Variants in PTPRK observed in about 807,000 individuals in gnomAD.
The protein encoded by PTPRK is protein tyrosine phosphatase receptor type K.
A neutral mutation model predicts 178.0 loss-of-function variants in PTPRK; 75 were observed. The observed-to-expected ratio is 0.42, with a 90% CI of 0.35 to 0.51. The LOEUF is 0.51. Ranked by LOEUF, PTPRK falls within the 20% of genes least tolerant of loss-of-function variation. The probability of loss-of-function intolerance (pLI) is 0.02; values close to 1 mark genes in which losing one functional copy is unlikely to be tolerated. For missense variants in PTPRK, 1,441 were observed against 1,797.8 expected, an observed-to-expected ratio of 0.80 and a Z score of 3.59; for synonymous variants, 637 against 620.6, an observed-to-expected ratio of 1.03 and a Z score of -0.39.
At chr6:128,230,161 C>T (rs1054240835) in intron 5 of PTPRK, among the ~76,000 whole-genome samples, 1 of 152,094 alleles carries the variant, frequency 6.6e-6, no homozygotes, top group African/African-American at 2.4e-5. Flanking sequence ...TGCCAAGTTG[C>T]AGGAAATGGA....
chr6:128,402,503 T>C (rs971454285), intron 1 of PTPRK, among the ~76,000 whole-genome samples: 28 of 152,168 alleles, frequency 1.8e-4, no homozygotes, highest in African/African-American at 6.8e-4. Context: ...CCACCCGTCT[T>C]GGCCTCCCAG....
At chr6:128,295,192 T>G (rs1356825257) in intron 3 of PTPRK, among the ~76,000 whole-genome samples, 1 of 152,114 alleles carries the variant, frequency 6.6e-6, no homozygotes. Context: ...AACTTTAAAA[T>G]AATTTTAACA....
intron 1 of PTPRK, among the ~76,000 whole-genome samples, chr6:128,454,732 C>G (rs1848192237): frequency 7.8e-6 from 1 of 128,792 alleles, no homozygotes; most frequent in African/African-American, 2.9e-5. Flanking sequence ...TAGATCCATA[C>G]TTCCACCTGG....
At chr6:128,001,463 T>C (rs1048587248) in intron 15 of PTPRK, among the ~76,000 whole-genome samples, 1 of 152,046 alleles carries the variant, frequency 6.6e-6, no homozygotes, top group African/African-American at 2.4e-5. Flanking sequence ...AATGCCAATA[T>C]ATTTTTAAAA....
At chr6:128,414,110 C>T in intron 1 of PTPRK, among the ~76,000 whole-genome samples, 1 of 152,264 alleles carries the variant, frequency 6.6e-6, no homozygotes, top group East Asian at 1.9e-4. Flanking sequence ...CTCTAAGGCA[C>T]AATCCTATTC....
chr6:128,362,250 A>C (rs1834877706), intron 2 of PTPRK, among the ~76,000 whole-genome samples: 1 of 152,116 alleles, frequency 6.6e-6, no homozygotes, highest in Non-Finnish European at 1.5e-5. Flanking sequence ...GGGAGGAAGG[A>C]GGAAAGTGCT....
chr6:128,516,050 G>A (rs993489900), intron 1 of PTPRK, among the ~76,000 whole-genome samples: 1 of 152,144 alleles, frequency 6.6e-6, no homozygotes, highest in Non-Finnish European at 1.5e-5. Context: ...GTTGGCATTA[G>A]CTTTGGTTAG....
chr6:128,057,501 C>T (rs1359095565), intron 13 of PTPRK, among the ~76,000 whole-genome samples: 1 of 152,176 alleles, frequency 6.6e-6, no homozygotes, highest in African/African-American at 2.4e-5. Flanking sequence ...GTCCATGTGA[C>T]CAGTTCCCAC....
intron 8 of PTPRK, chr6:128,085,082 G>C (rs763538100): frequency 5.3e-5 from 8 of 152,132 alleles, no homozygotes; most frequent in Non-Finnish European, 1.2e-4. Context: ...TCTACAAGGA[G>C]ACTATGAATG....
intron 1 of PTPRK, among the ~76,000 whole-genome samples, chr6:128,518,230 T>G (rs2128447114): frequency 6.6e-6 from 1 of 152,342 alleles, no homozygotes; most frequent in South Asian, 2.1e-4. Context: ...TACAACATCA[T>G]GTCAAATGTT....
At chr6:128,216,274 T>C (rs552537308) in intron 6 of PTPRK, among the ~76,000 whole-genome samples, 1 of 152,222 alleles carries the variant, frequency 6.6e-6, no homozygotes, top group South Asian at 2.1e-4. Context: ...TGGTGGCTCA[T>C]GCCTGTAATC....
At chr6:128,057,135 A>G (rs945893303) in intron 13 of PTPRK, among the ~76,000 whole-genome samples, 21 of 152,258 alleles carry the variant, frequency 1.4e-4, no homozygotes, top group Admixed American at 1.3e-3. Context: ...GTCAATAATG[A>G]TTAATTTTCT....
chr6:127,981,183 C>G lies in PTPRK; in HGVS notation c.3644G>C (p.Arg1215Thr). The G allele has an allele frequency of 6.2e-7, 1 of 1,614,014 alleles. No homozygotes were observed. The highest frequency in any genetic ancestry group is 8.5e-7 in the Non-Finnish European group (1 of 1,179,990). Residue 1215 changes from arginine to threonine, a missense_variant, in exon 25 of 30, where the codon AGA becomes ACA. Physicochemically the swap from Arg to Thr is moderately conservative, Grantham distance 71 (BLOSUM62 -1). Around this residue, in one of 4 missense-constraint regions of PTPRK, gnomAD observed 335 missense variants for 512.4 expected, o/e 0.65. Coordinates refer to ENST00000368226, the MANE Select transcript of PTPRK (RefSeq NM_002844.4). ...NRFMDMLPPD[R>T]CLPFLITIDG... ...AATTGTAATTAAAAAAGGCAGACAT[C>G]TGTCAGGTGGCAGCATGTCCATGAA...
chr6:128,380,612 G>A (rs1432174446), intron 2 of PTPRK, among the ~76,000 whole-genome samples: 3 of 151,454 alleles, frequency 2.0e-5, no homozygotes, highest in African/African-American at 7.3e-5. Flanking sequence ...TATAAACCCC[G>A]TAAACACATC....
At chr6:128,074,392 G>A (rs1195341718) in intron 11 of PTPRK, among the ~76,000 whole-genome samples, 1 of 151,440 alleles carries the variant, frequency 6.6e-6, no homozygotes, top group African/African-American at 2.4e-5. Flanking sequence ...AGCTATATTG[G>A]GTCAATCTTT....
At chr6:128,311,498 T>A (rs1363131013) in intron 3 of PTPRK, among the ~76,000 whole-genome samples, 1 of 152,156 alleles carries the variant, frequency 6.6e-6, no homozygotes, top group Non-Finnish European at 1.5e-5. Flanking sequence ...CCCTCCTCAT[T>A]TCAAGACCCT....
At chr6:128,421,511 A>G (rs1436521642) in intron 1 of PTPRK, among the ~76,000 whole-genome samples, 1 of 152,164 alleles carries the variant, frequency 6.6e-6, no homozygotes, top group African/African-American at 2.4e-5. Context: ...TCCTCTGACA[A>G]AGATTCGAAA....
intron 13 of PTPRK, among the ~76,000 whole-genome samples, chr6:128,021,479 A>G (rs919013260): frequency 6.6e-6 from 1 of 152,122 alleles, no homozygotes; most frequent in African/African-American, 2.4e-5. Context: ...TACTAAAAAT[A>G]CAAAAAATTA....
intron 7 of PTPRK, among the ~76,000 whole-genome samples, chr6:128,143,459 A>G (rs1796064665): frequency 6.6e-6 from 1 of 152,206 alleles, no homozygotes; most frequent in Admixed American, 6.6e-5. Context: ...TACTACTGTG[A>G]CCTGCATTAA....
Sources: allele counts gnomAD v4.1 joint callset (sites outside exome capture counted in the v4.1 genomes callset), GRCh38; gene constraint gnomAD v4.1.1; regional missense constraint gnomAD v4.1.1; transcripts MANE v1.5; gene names NCBI Gene and HGNC (gene_info 2026-07-23, HGNC 2026-07-21).